MEGF11: variants seen among roughly 807,000 people sequenced by gnomAD.
MEGF11 encodes multiple EGF like domains 11.
Under a neutral mutation model 146.6 loss-of-function variants are expected in MEGF11, and 126 were observed. That is an observed-to-expected ratio of 0.86 (90% CI 0.74 to 1.00). The LOEUF (loss-of-function observed/expected upper bound fraction) is 1.00. MEGF11 is among the 50% of genes least tolerant of loss of function. The pLI is 0.00. For synonymous variants in MEGF11, 532 were observed against 583.4 expected, an observed-to-expected ratio of 0.91 and a Z score of 1.27; for missense variants, 1,509 against 1,521.2, an observed-to-expected ratio of 0.99 and a Z score of 0.13.
intron 21 of MEGF11, 76 bp downstream of exon 21, chr15:65,912,006 C>T (rs1167151019): frequency 6.2e-6 from 5 of 805,756 alleles, no homozygotes; most frequent in African/African-American, 1.8e-5. Flanking sequence ...GGGGGGCGTG[C>T]AGTTCCTTCC....
chr15:66,156,176 G>A (rs566967811), intron 1 of MEGF11, among the ~76,000 whole-genome samples: 1 of 152,206 alleles, frequency 6.6e-6, no homozygotes, highest in South Asian at 2.1e-4. Flanking sequence ...CCAACTTCCT[G>A]CCCAGCACAT....
In MEGF11 at chr15:65,973,034, T is replaced by C. The variant is rs544522085; in HGVS notation, c.763-2345A>G. Among the ~76,000 whole-genome samples the C allele has an allele frequency of 2.6e-5, 4 of 151,934 alleles. No individual in the cohort carries two copies. The South Asian group carries it at 8.3e-4, about 32-fold the overall frequency. On this transcript the variant is annotated intron_variant, in intron 7 of 25. Transcript: ENST00000395614. Reference sequence around the variant, plus strand: ...GGGGAGGCTGAGGCAGGAGAATCGCTTGAACCTGGGAGGTGGAGGTTGCAG... The same window carrying C: ...GGGGAGGCTGAGGCAGGAGAATCGCCTGAACCTGGGAGGTGGAGGTTGCAG...
At chr15:66,226,082 T>C (rs2091846415) in intron 1 of MEGF11, among the ~76,000 whole-genome samples, 1 of 152,216 alleles carries the variant, frequency 6.6e-6, no homozygotes, top group Non-Finnish European at 1.5e-5. Flanking sequence ...AGTAGTGTGA[T>C]GAAATGTCGT....
chr15:66,250,596 C>T (rs553544714), intron 1 of MEGF11, among the ~76,000 whole-genome samples: 24 of 152,276 alleles, frequency 1.6e-4, no homozygotes, highest in African/African-American at 5.5e-4. Flanking sequence ...ACTGAAGCAG[C>T]TAGAAGTTAT....
chr15:65,955,063 T>A (rs1161220478), intron 10 of MEGF11, among the ~76,000 whole-genome samples: 1 of 152,182 alleles, frequency 6.6e-6, no homozygotes, highest in African/African-American at 2.4e-5. Flanking sequence ...GTTAATAGGT[T>A]CTTCTCTCTC....
intron 10 of MEGF11, among the ~76,000 whole-genome samples, chr15:65,956,958 C>T (rs1263776006): frequency 6.6e-6 from 1 of 152,148 alleles, no homozygotes; most frequent in Non-Finnish European, 1.5e-5. Context: ...TGGCAACATC[C>T]ATCAAGAGCC....
chr15:66,081,938 AG>A (rs1462461862), intron 5 of MEGF11, among the ~76,000 whole-genome samples: 1 of 152,180 alleles, frequency 6.6e-6, no homozygotes, highest in Non-Finnish European at 1.5e-5. Flanking sequence ...AAGAGACATG[AG>A]GGACACGACC....
intron 5 of MEGF11, among the ~76,000 whole-genome samples, chr15:66,086,733 C>G (rs1387427680): frequency 6.6e-6 from 1 of 152,134 alleles, no homozygotes; most frequent in Non-Finnish European, 1.5e-5. Flanking sequence ...CACACAGGAC[C>G]TATAAAACAA....
chr15:66,211,514 A>C (rs1338816937), intron 1 of MEGF11, among the ~76,000 whole-genome samples: 2 of 114,180 alleles, frequency 1.8e-5, no homozygotes, highest in East Asian at 2.6e-4. Context: ...ACAGAGTGAG[A>C]CTCAGTCTCA....
intron 1 of MEGF11, among the ~76,000 whole-genome samples, chr15:66,172,849 G>T (rs955983721): frequency 2.0e-5 from 3 of 152,182 alleles, no homozygotes. Context: ...TAGGTCACAC[G>T]CAGTCACAGC....
intron 1 of MEGF11, among the ~76,000 whole-genome samples, chr15:66,164,877 C>A (rs2090055674): frequency 6.6e-6 from 1 of 152,216 alleles, no homozygotes; most frequent in Non-Finnish European, 1.5e-5. Context: ...CATCTGTTTG[C>A]CAGTTCCAGG....
chr15:66,067,294 C>G (rs1407602120), intron 5 of MEGF11, among the ~76,000 whole-genome samples: 1 of 152,214 alleles, frequency 6.6e-6, no homozygotes, highest in Non-Finnish European at 1.5e-5. Flanking sequence ...TTATTACCCA[C>G]ACGGTGGTCA....
At chr15:66,199,542 G>C (rs1043171967) in intron 1 of MEGF11, among the ~76,000 whole-genome samples, 1 of 152,178 alleles carries the variant, frequency 6.6e-6, no homozygotes, top group African/African-American at 2.4e-5. Flanking sequence ...GCCAGAACCA[G>C]TTCCTGGGCC....
At chr15:65,994,008 G>T (rs550281327) in intron 5 of MEGF11, among the ~76,000 whole-genome samples, 2 of 152,278 alleles carry the variant, frequency 1.3e-5, no homozygotes, top group Admixed American at 6.5e-5. Flanking sequence ...TGCCTGGAGC[G>T]GGGTTGGGCT....
At chr15:65,936,169 G>A (rs2079779684) in intron 10 of MEGF11, among the ~76,000 whole-genome samples, 5 of 152,226 alleles carry the variant, frequency 3.3e-5, no homozygotes, top group African/African-American at 1.2e-4. Flanking sequence ...GGGTATGTCT[G>A]TGTACATTTT....
rs117913782 is a variant in MEGF11, at chr15:66,046,418, G to C, written c.394+47984C>G. Among the ~76,000 whole-genome samples the C allele has an allele frequency of 2.3e-3, 349 of 152,324 alleles. 1 individual carries two copies. The highest frequency in any genetic ancestry group is 4.2e-3 in the Admixed American group (64 of 15,296). ...TGTAGGTACCCAGGCTGCATGCAGT[G>C]TAGGCACCTCACGGGACGTGGTGGT... is the stretch of plus-strand genomic sequence containing the variant. On this transcript the variant is annotated intron_variant, in intron 5 of 25. Coordinates refer to ENST00000395614, the MANE Select transcript of MEGF11 (RefSeq NM_001385028.1).
At chr15:65,906,227 TCCC>T in intron 23 of MEGF11, 86 bp from the exon 24 acceptor site, 2 of 942,584 alleles carry the variant, frequency 2.1e-6, no homozygotes, top group Non-Finnish European at 3.3e-6. Flanking sequence ...TTCTTGCTTT[TCCC>T]CCCCCTTCTC....
intron 1 of MEGF11, among the ~76,000 whole-genome samples, chr15:66,190,860 T>A (rs566142226): frequency 6.6e-6 from 1 of 152,288 alleles, no homozygotes; most frequent in East Asian, 1.9e-4. Flanking sequence ...TAAATTTGCT[T>A]GTTTCAGTTC....
intron 1 of MEGF11, among the ~76,000 whole-genome samples, chr15:66,239,772 C>T (rs1015321189): frequency 2.0e-5 from 3 of 152,238 alleles, no homozygotes; most frequent in African/African-American, 7.2e-5. Context: ...GGTGAGGCAC[C>T]ATGCCACAGG....
Sources: gnomAD v4.1 joint callset for allele counts (sites outside exome capture counted in the v4.1 genomes callset) on GRCh38, gnomAD v4.1.1 for gene constraint, MANE v1.5 for transcripts, NCBI Gene and HGNC (gene_info 2026-07-23, HGNC 2026-07-21) for gene names.